Variants in ABCC3 observed in about 807,000 individuals in gnomAD.
The protein encoded by ABCC3 is ATP-binding cassette sub-family C member 3.
In ABCC3, 121 loss-of-function variants were observed where a neutral mutation model predicts 165.3. The ratio of observed to expected loss-of-function variants is 0.73; its 90% confidence interval spans 0.63 to 0.85. ABCC3 has a LOEUF of 0.85. Among genes scored for constraint, ABCC3 ranks in the 40% least tolerant of loss-of-function variants. The pLI is 0.00. For missense variants in ABCC3, 1,869 were observed against 1,964.1 expected, an observed-to-expected ratio of 0.95 and a Z score of 0.92; for synonymous variants, 733 against 810.1, an observed-to-expected ratio of 0.90 and a Z score of 1.62.
chr17:50,673,914 T>C (rs149220452), intron 19 of ABCC3, among the ~76,000 whole-genome samples: 1,046 of 14,716 alleles, frequency 0.071, 15 homozygotes, highest in Admixed American at 0.19. Context: ...CTTTCTTTCT[T>C]TCTTTCTTTC....
In ABCC3 at chr17:50,663,718, T is replaced by G. The variant is rs756174056; in HGVS notation, c.1036T>G (p.Ser346Ala). 1 of 1,614,204 alleles carries G rather than the reference T, an allele frequency of 6.2e-7. No individual in the cohort carries two copies. The highest frequency in any genetic ancestry group is 8.5e-7 in the Non-Finnish European group (1 of 1,180,042). The change falls in exon 9 of 31, where the codon TCC becomes GCC. Residue 346 changes from serine to alanine, a missense_variant. Transcript: ENST00000285238. ...IRFISNPMAP[S>A]WWGFLVAGLM... ...GTTTATCTCCAACCCCATGGCCCCC[T>G]CCTGGTGGGGCTTCCTGGTGGCTGG...
intron 1 of ABCC3, among the ~76,000 whole-genome samples, chr17:50,636,158 C>G (rs1044410100): frequency 6.6e-6 from 1 of 152,126 alleles, no homozygotes; most frequent in Non-Finnish European, 1.5e-5. Flanking sequence ...CTTGTGAATC[C>G]CAATCTCTAA....
chr17:50,659,463 G>C, intron 7 of ABCC3, 95 bp downstream of exon 7: 2 of 1,449,030 alleles, frequency 1.4e-6, no homozygotes, highest in Non-Finnish European at 1.9e-6. Flanking sequence ...GGCATTGCTG[G>C]GGTGGCAAGC....
intron 1 of ABCC3, among the ~76,000 whole-genome samples, chr17:50,638,290 C>T (rs2054197393): frequency 6.6e-6 from 1 of 152,046 alleles, no homozygotes; most frequent in South Asian, 2.1e-4. Context: ...AGGTATTTAC[C>T]CCCCGCCAGA....
At chr17:50,665,764 C>T (rs1421740426) in intron 11 of ABCC3, among the ~76,000 whole-genome samples, 1 of 150,942 alleles carries the variant, frequency 6.6e-6, no homozygotes, top group Non-Finnish European at 1.5e-5. Flanking sequence ...TGCCACCACA[C>T]CCGGCTTATT....
In ABCC3 at chr17:50,669,146, C is replaced by A; in HGVS notation, c.1944C>A (p.Asp648Glu). The change falls in exon 16 of 31, where the codon GAC becomes GAA. Residue 648 changes from aspartate to glutamate, a missense_variant. By Grantham distance (45) the Asp-to-Glu change is conservative (BLOSUM62 2). Transcript: ENST00000285238. ...CTGGGGTCCTTGCCCCCAGCCTAGA[C>A]ATCCAGGTCCCGAAAGGGGCACTGG... The part of the protein sequence containing the change: ...QDLPPTLHSL[D>E]IQVPKGALVA... 6.3e-7 allele frequency: 1 copy of A among 1,597,722 alleles called. No homozygotes were observed. Among genetic ancestry groups the A allele is most frequent in the South Asian group, 1.1e-5 (1 of 89,318 alleles).
chr17:50,646,282 G>A (rs933141571), intron 1 of ABCC3, among the ~76,000 whole-genome samples: 4 of 152,188 alleles, frequency 2.6e-5, no homozygotes, highest in Non-Finnish European at 5.9e-5. Context: ...AGCAGCAAGT[G>A]CATTTAGAAA....
In ABCC3 at chr17:50,669,262, T is replaced by C. The variant is rs770297091; in HGVS notation, c.2060T>C (p.Met687Thr). The C allele has an allele frequency of 6.8e-6, 11 of 1,613,974 alleles. No individual in the cohort carries two copies. In the East Asian group the frequency reaches 1.6e-4, roughly 23 times the overall value. The change falls in exon 16 of 31, where the codon ATG becomes ACG. Residue 687 changes from methionine (M) to threonine (T), a missense_variant. By Grantham distance (81) the Met-to-Thr change is moderately conservative. Transcript: ENST00000285238. ...EMEKLEGKVH[M>T]KGSVAYVPQQ... ...GAGAAGCTAGAAGGCAAAGTGCACA[T>C]GAAGGTGAGAGAGGCAGGGGCTCCT...
chr17:50,645,250 C>T (rs1416450561), intron 1 of ABCC3, among the ~76,000 whole-genome samples: 2 of 146,712 alleles, frequency 1.4e-5, no homozygotes, highest in East Asian at 2.0e-4. Context: ...GGTGCACGCC[C>T]GTAATCCCAG....
chr17:50,659,585 T>C (rs374564030), intron 7 of ABCC3, among the ~76,000 whole-genome samples: 1 of 152,150 alleles, frequency 6.6e-6, no homozygotes, highest in South Asian at 2.1e-4. Context: ...TGGCTGGCAC[T>C]TTGGAGCAAC....
At chr17:50,683,473 C>A in intron 26 of ABCC3, 137 bp from the exon 27 acceptor site, 1 of 945,148 alleles carries the variant, frequency 1.1e-6, no homozygotes. Context: ...GAACACAAGG[C>A]TGAGCCACAG....
intron 22 of ABCC3, 56 bp downstream of exon 22, chr17:50,676,146 C>T: frequency 6.2e-7 from 1 of 1,601,974 alleles, no homozygotes; most frequent in Non-Finnish European, 8.5e-7. Context: ...CTCTGGGCTG[C>T]CAGGCCCCCC....
intron 1 of ABCC3, among the ~76,000 whole-genome samples, chr17:50,655,404 CA>C (rs58586394): frequency 0.026 from 1,461 of 56,472 alleles, 9 homozygotes; most frequent in African/African-American, 0.095. Flanking sequence ...GACTCTGTCT[CA>C]AAAAAAAAAA....
chr17:50,646,549 G>A (rs1052286931), intron 1 of ABCC3, among the ~76,000 whole-genome samples: 4 of 152,236 alleles, frequency 2.6e-5, no homozygotes, highest in African/African-American at 9.6e-5. Flanking sequence ...GTTGAGTGCA[G>A]ATAGGAAGGA....
chr17:50,659,049 G>A (rs1330583265), intron 6 of ABCC3, 188 bp from the exon 7 acceptor site: 5 of 594,994 alleles, frequency 8.4e-6, no homozygotes, highest in African/African-American at 3.7e-5. Flanking sequence ...TAGGAACTTC[G>A]GAGGGAGAGC....
At chr17:50,648,393 C>G (rs990092590) in intron 1 of ABCC3, among the ~76,000 whole-genome samples, 1 of 152,180 alleles carries the variant, frequency 6.6e-6, no homozygotes. Context: ...ATGAAACACC[C>G]AAGATACTTA....
intron 30 of ABCC3, among the ~76,000 whole-genome samples, chr17:50,689,081 A>T (rs1012895711): frequency 3.3e-5 from 5 of 152,208 alleles, no homozygotes; most frequent in Non-Finnish European, 2.9e-5. Context: ...AGGCACCTGT[A>T]GTCCCAGCTG....
At chr17:50,685,020 T>C (rs939285574) in intron 29 of ABCC3, 145 bp downstream of exon 29, 1 of 938,258 alleles carries the variant, frequency 1.1e-6, no homozygotes, top group African/African-American at 1.7e-5. Context: ...GCATATTCCG[T>C]GTGCCAGGCA....
chr17:50,670,981 T>C (rs1259838865), intron 17 of ABCC3, among the ~76,000 whole-genome samples: 1 of 152,114 alleles, frequency 6.6e-6, no homozygotes, highest in Admixed American at 6.5e-5. Flanking sequence ...AAATATATCA[T>C]CTTGCCCGGC....
Sources: allele counts gnomAD v4.1 joint callset (sites outside exome capture counted in the v4.1 genomes callset), GRCh38; gene constraint gnomAD v4.1.1; transcripts MANE v1.5; gene names NCBI Gene and HGNC (gene_info 2026-07-23, HGNC 2026-07-21).